The following REV1 variants were observed in gnomAD, a reference collection of about 807,000 sequenced individuals.
The protein encoded by REV1 is translesion synthesis protein REV1.
A neutral mutation model predicts 137.4 loss-of-function variants in REV1; 42 were observed. The ratio of observed to expected loss-of-function variants is 0.31; its 90% CI spans 0.24 to 0.40. The LOEUF is 0.40. REV1 is among the 10% of genes least tolerant of loss of function. The probability of loss-of-function intolerance (pLI) is 1.00; values close to 1 mark genes in which losing one functional copy is unlikely to be tolerated. For synonymous variants in REV1, 524 were observed against 519.2 expected (o/e 1.01, Z -0.12); for missense variants, 1,282 against 1,490.1 (o/e 0.86, Z 2.30).
rs534993495 is a variant in REV1, at chr2:99,413,063, A to T, written c.1952-112T>A. The T allele has an allele frequency of 3.0e-5, 24 of 788,086 alleles. No individual in the cohort carries two copies. The South Asian group carries it at 4.2e-4, about 14-fold the overall frequency. The allele number at this position is 788,086 out of a possible 1,614,324, so 48.8% of individuals were successfully genotyped here. ...ACAACTAGTTTAAAATAATCTTTAA[A>T]GTCTTTAGGCAACATAACTGAAGCA... On this transcript the variant is annotated intron_variant, in intron 12 of 22. Coordinates refer to ENST00000258428, the MANE Select transcript of REV1 (RefSeq NM_016316.4).
chr2:99,405,214 TGGCCAG>T (rs1369985426), intron 17 of REV1: 1 of 157,232 alleles, frequency 6.4e-6, no homozygotes, highest in Non-Finnish European at 1.4e-5. Context: ...ACTGTTCCTT[TGGCCAG>T]GGCCTACCTG....
At chr2:99,403,933 C>A in intron 18 of REV1, 118 bp from the exon 19 acceptor site, 3 of 1,205,774 alleles carry the variant, frequency 2.5e-6, no homozygotes, top group Non-Finnish European at 3.5e-6. Context: ...TGTACGAATT[C>A]TTAACAGTTC....
intron 3 of REV1, among the ~76,000 whole-genome samples, chr2:99,458,255 T>C (rs1349819949): frequency 5.3e-5 from 8 of 152,120 alleles, no homozygotes; most frequent in Non-Finnish European, 1.2e-4. Context: ...TAAAAAATAC[T>C]AAATCCAATT....
intron 22 of REV1, among the ~76,000 whole-genome samples, chr2:99,401,746 C>CA (rs1048221822): frequency 5.3e-5 from 8 of 151,428 alleles, no homozygotes; most frequent in African/African-American, 9.7e-5. Flanking sequence ...GACTCCATCT[C>CA]AAAAAAAATA....
chr2:99,412,912 C>T lies in REV1; in HGVS notation c.1991G>A (p.Gly664Glu), dbSNP rs1284310338. The T allele has an allele frequency of 1.2e-6, 2 of 1,613,934 alleles. No homozygotes were observed. The highest frequency in any genetic ancestry group is 1.3e-5 in the African/African-American group (1 of 74,924). The part of the protein sequence containing the change: ...HSMESKLASL[G>E]IKTCGDLQYM... ...CTGCAAGTCTCCACAAGTTTTAATTCCCAAAGATGCCAACTTAGATTCCAT... is the reference window on the plus strand; with the variant it reads ...CTGCAAGTCTCCACAAGTTTTAATTTCCAAAGATGCCAACTTAGATTCCAT... Residue 664 changes from glycine (G) to glutamate (E), a missense_variant, in exon 13 of 23, where the codon GGA (glycine) becomes GAA (glutamate). Coordinates refer to ENST00000258428, the MANE Select transcript of REV1 (RefSeq NM_016316.4).
At position 99,459,876 on chromosome 2, in the gene REV1, T is replaced by C. The variant is rs1023169809; in HGVS notation, c.181+2620A>G. The stretch of plus-strand genomic sequence containing the variant: ...TCAATGTTAACTGGGTTGGAAGGTA[T>C]AGGGACTACGAAATCATGAGAGGCT... On this transcript the variant is annotated intron_variant, in intron 3 of 22. Transcript: ENST00000258428. 3.3e-5 allele frequency among the ~76,000 whole-genome samples: 5 copies of C among 152,128 alleles called. No homozygotes were observed. In the South Asian group the frequency reaches 6.2e-4, roughly 19 times the overall value.
intron 12 of REV1, 61 bp from the exon 13 acceptor site, chr2:99,413,012 C>A (rs950503652): frequency 2.3e-5 from 26 of 1,139,410 alleles, no homozygotes; most frequent in Non-Finnish European, 3.3e-5. Flanking sequence ...TTTATTAACA[C>A]AAAATACCCA....
intron 10 of REV1, 124 bp downstream of exon 10, chr2:99,424,028 G>T: frequency 9.7e-7 from 1 of 1,035,532 alleles, no homozygotes; most frequent in Non-Finnish European, 1.4e-6. Context: ...CTGAGGAGTG[G>T]TTCCTGGAAG....
intron 12 of REV1, among the ~76,000 whole-genome samples, chr2:99,415,910 C>T (rs181485236): frequency 2.2e-4 from 34 of 152,358 alleles, no homozygotes; most frequent in African/African-American, 8.2e-4. Context: ...CTGTAATAGT[C>T]GTTGGGGTCA....
chr2:99,404,032 TAAAG>T (rs916760310), intron 18 of REV1, among the ~76,000 whole-genome samples: 59 of 152,222 alleles, frequency 3.9e-4, no homozygotes, highest in African/African-American at 1.0e-3. Context: ...AGTACTAACT[TAAAG>T]AAACCCACTA....
chr2:99,468,024 T>C (rs1049134992), intron 1 of REV1, among the ~76,000 whole-genome samples: 1 of 151,700 alleles, frequency 6.6e-6, no homozygotes, highest in Non-Finnish European at 1.5e-5. Context: ...CTACTAAAAA[T>C]AAAAAATTAG....
intron 1 of REV1, among the ~76,000 whole-genome samples, chr2:99,466,979 T>A (rs2105173857): frequency 6.6e-6 from 1 of 152,344 alleles, no homozygotes; most frequent in South Asian, 2.1e-4. Flanking sequence ...ACATGTAAAC[T>A]GAATCCATAC....
At chr2:99,480,476 G>A (rs982049773) in intron 1 of REV1, among the ~76,000 whole-genome samples, 1 of 152,184 alleles carries the variant, frequency 6.6e-6, no homozygotes, top group Non-Finnish European at 1.5e-5. Flanking sequence ...ACCTTACTTT[G>A]TAAGTTTTAA....
intron 3 of REV1, 145 bp downstream of exon 3, chr2:99,462,351 G>A: frequency 1.3e-6 from 1 of 745,314 alleles, no homozygotes. Context: ...AAAGGAAAAA[G>A]AAGTATCTAA....
intron 8 of REV1, among the ~76,000 whole-genome samples, chr2:99,431,078 C>T (rs189426049): frequency 6.6e-6 from 1 of 152,298 alleles, no homozygotes; most frequent in African/African-American, 2.4e-5. Flanking sequence ...AATGCACCAC[C>T]AGGAAAACTG....
At chr2:99,407,978 TGAGA>T in intron 15 of REV1, 47 bp downstream of exon 15, 2 of 1,135,394 alleles carry the variant, frequency 1.8e-6, no homozygotes, top group Admixed American at 4.5e-5. Context: ...GCCTCAAAAA[TGAGA>T]GATACATTAC....
intron 9 of REV1, among the ~76,000 whole-genome samples, chr2:99,425,888 T>C (rs1478004044): frequency 6.6e-6 from 1 of 150,588 alleles, no homozygotes; most frequent in Non-Finnish European, 1.5e-5. Flanking sequence ...AATTAAAAAT[T>C]AGCGAGAAGT....
chr2:99,449,062 G>A (rs556860490), intron 4 of REV1, among the ~76,000 whole-genome samples: 1 of 152,270 alleles, frequency 6.6e-6, no homozygotes, highest in East Asian at 1.9e-4. Context: ...CTGGAGGACT[G>A]TTTGAGTTTG....
intron 5 of REV1, among the ~76,000 whole-genome samples, chr2:99,440,537 C>T (rs976294859): frequency 2.0e-5 from 3 of 152,160 alleles, no homozygotes; most frequent in African/African-American, 7.2e-5. Flanking sequence ...ATGTGACAGG[C>T]AACTGTGAGT....
Sources: gnomAD v4.1 joint callset for allele counts (sites outside exome capture counted in the v4.1 genomes callset) on GRCh38, gnomAD v4.1.1 for gene constraint, MANE v1.5 for transcripts, NCBI Gene and HGNC (gene_info 2026-07-23, HGNC 2026-07-21) for gene names.